The following ROBO2 variants were observed in gnomAD, a reference collection of about 807,000 sequenced individuals.
The protein encoded by ROBO2 is roundabout guidance receptor 2.
ROBO2 carries 53 observed loss-of-function variants against 160.8 expected under a neutral mutation model. The observed-to-expected ratio is 0.33, with a 90% CI of 0.26 to 0.41. The LOEUF is 0.41. Ranked by LOEUF, ROBO2 falls within the 10% of genes least tolerant of loss-of-function variation. The pLI is 1.00. For missense variants in ROBO2, 1,577 were observed against 1,722.4 expected (o/e 0.92, Z 1.49); for synonymous variants, 664 against 611.7 (o/e 1.09, Z -1.26).
intron 2 of ROBO2, among the ~76,000 whole-genome samples, chr3:76,731,893 G>A (rs2093642874): frequency 6.6e-6 from 1 of 152,150 alleles, no homozygotes; most frequent in Admixed American, 6.5e-5. Context: ...TGAAGTGTGA[G>A]TCCAATTCAT....
chr3:77,504,855 C>T (rs1221983992), intron 5 of ROBO2, among the ~76,000 whole-genome samples: 2 of 152,066 alleles, frequency 1.3e-5, no homozygotes, highest in East Asian at 1.9e-4. Flanking sequence ...CTCTTTATGG[C>T]TTCAGAAAAT....
At chr3:76,913,793 G>GTAATACTCCTTTAGAGGAGTAACTGTGAA (rs2076139173) in intron 2 of ROBO2, among the ~76,000 whole-genome samples, 1 of 151,580 alleles carries the variant, frequency 6.6e-6, no homozygotes, top group African/African-American at 2.4e-5. Context: ...GTAAATGTGA[G>GTAATACTCCTTTAGAGGAGTAACTGTGAA]TAATACTCCT....
intron 2 of ROBO2, among the ~76,000 whole-genome samples, chr3:76,238,070 G>T (rs572579857): frequency 6.6e-6 from 1 of 152,034 alleles, no homozygotes; most frequent in Non-Finnish European, 1.5e-5. Context: ...ATGGCAAAAA[G>T]GTCTGAAAGA....
intron 2 of ROBO2, among the ~76,000 whole-genome samples, chr3:76,637,857 A>G (rs2090425709): frequency 6.6e-6 from 1 of 152,192 alleles, no homozygotes; most frequent in Non-Finnish European, 1.5e-5. Flanking sequence ...ATGATTTGTG[A>G]TCCAGCAGAT....
In ROBO2 at chr3:77,557,203, A is replaced by G. The variant is rs7625316; in HGVS notation, c.1232-741A>G. Among the ~76,000 whole-genome samples the G allele has an allele frequency of 6.4e-3, 978 of 152,092 alleles. 8 individuals are homozygous for G. Among genetic ancestry groups the G allele is most frequent in the African/African-American group, 0.022 (922 of 41,544 alleles). On this transcript the variant is annotated intron_variant, in intron 8 of 25. Transcript: ENST00000461745. ...GCTAAACATTTAGAAATTATGGAAA[A>G]TTTATCCAAATGAACACAACAATTG...
chr3:76,353,321 G>A (rs1167681811), intron 2 of ROBO2, among the ~76,000 whole-genome samples: 5 of 151,888 alleles, frequency 3.3e-5, no homozygotes, highest in Non-Finnish European at 5.9e-5. Context: ...TATTTTAAGT[G>A]CTAATCATAA....
intron 2 of ROBO2, among the ~76,000 whole-genome samples, chr3:76,226,207 A>G (rs774451349): frequency 1.1e-4 from 16 of 152,324 alleles, no homozygotes; most frequent in African/African-American, 1.9e-4. Flanking sequence ...TCTGTTTAAC[A>G]TTAGAGAAGG....
At chr3:76,413,919 A>G (rs1008821089) in intron 2 of ROBO2, among the ~76,000 whole-genome samples, 2 of 126,960 alleles carry the variant, frequency 1.6e-5, no homozygotes, top group African/African-American at 3.2e-5. Context: ...ATAAAGACAT[A>G]CCCAAGACTG....
intron 2 of ROBO2, among the ~76,000 whole-genome samples, chr3:76,272,917 AATATATATATTT>A (rs1707618683): frequency 4.2e-5 from 1 of 23,798 alleles, no homozygotes; most frequent in African/African-American, 1.0e-4. Context: ...TTATATATAA[AATATATATATTT>A]ATATATAAAT....
intron 7 of ROBO2, 135 bp downstream of exon 8, chr3:77,546,597 TA>T: frequency 9.0e-7 from 1 of 1,116,874 alleles, no homozygotes; most frequent in Admixed American, 1.8e-5. Context: ...CTGGTGAATG[TA>T]AAAATAAGTA....
intron 2 of ROBO2, among the ~76,000 whole-genome samples, chr3:75,990,582 C>T (rs2065538875): frequency 6.6e-6 from 1 of 152,024 alleles, no homozygotes. Context: ...ATAGACTAAC[C>T]TTTTGTAGTC....
intron 2 of ROBO2, among the ~76,000 whole-genome samples, chr3:77,248,193 T>C (rs2089949606): frequency 6.6e-6 from 1 of 152,130 alleles, no homozygotes; most frequent in South Asian, 2.1e-4. Flanking sequence ...ACCTTCTTGC[T>C]CCATCCCCTC....
At chr3:77,162,954 C>G (rs971187403) in intron 2 of ROBO2, among the ~76,000 whole-genome samples, 1 of 152,066 alleles carries the variant, frequency 6.6e-6, no homozygotes, top group African/African-American at 2.4e-5. Context: ...CTCAGCCTCC[C>G]AAGTAGCTGG....
intron 2 of ROBO2, among the ~76,000 whole-genome samples, chr3:76,050,868 T>C (rs1288675549): frequency 2.0e-5 from 3 of 152,170 alleles, no homozygotes; most frequent in South Asian, 2.1e-4. Context: ...TTACTAACAT[T>C]CCTATCATTT....
At chr3:77,293,625 G>A (rs1489329340) in intron 2 of ROBO2, among the ~76,000 whole-genome samples, 9 of 142,948 alleles carry the variant, frequency 6.3e-5, no homozygotes, top group African/African-American at 2.2e-4. Flanking sequence ...AAAATTGACG[G>A]TTAAACGGGT....
At chr3:77,155,944 T>G (rs2077970831) in intron 2 of ROBO2, among the ~76,000 whole-genome samples, 1 of 151,996 alleles carries the variant, frequency 6.6e-6, no homozygotes, top group Non-Finnish European at 1.5e-5. Flanking sequence ...AGTTAAACAT[T>G]TTAGAGCCTT....
At chr3:77,428,029 A>T (rs1348870691) in intron 2 of ROBO2, among the ~76,000 whole-genome samples, 3 of 152,006 alleles carry the variant, frequency 2.0e-5, no homozygotes, top group Admixed American at 1.3e-4. Context: ...TAGCTGTGAT[A>T]TCTCATTCCA....
chr3:76,425,487 A>AGTGTGTGTGTGTGTGT, intron 2 of ROBO2, among the ~76,000 whole-genome samples: 1 of 146,578 alleles, frequency 6.8e-6, no homozygotes, highest in South Asian at 2.2e-4. Flanking sequence ...TGATGCAGCA[A>AGTGTGTGTGTGTGTGT]GTGTGTGTGT....
rs1274933835 is a variant in ROBO2 at position 76,204,061 on chromosome 3, C to T, written c.109+266459C>T. Among the ~76,000 whole-genome samples, 4 of 152,270 alleles carry T rather than the reference C, an allele frequency of 2.6e-5. 1 individual carries two copies. Among genetic ancestry groups the T allele is most frequent in the African/African-American group, 7.2e-5 (3 of 41,582 alleles). ...ATATATCATCTGTTTCCTGCCTGGA[C>T]CCTGATTGATACAGTCTCTAAGTGG... is the stretch of plus-strand genomic sequence containing the variant. On this transcript the variant is annotated intron_variant, in intron 2 of 26. Coordinates refer to the ROBO2 transcript ENST00000487694.
Sources: gnomAD v4.1 joint callset for allele counts (sites outside exome capture counted in the v4.1 genomes callset) on GRCh38, gnomAD v4.1.1 for gene constraint, MANE v1.5 for transcripts, NCBI Gene and HGNC (gene_info 2026-07-23, HGNC 2026-07-21) for gene names.